Variants in GRM5 observed in about 807,000 individuals in gnomAD.
GRM5 encodes metabotropic glutamate receptor 5.
GRM5 carries 19 observed loss-of-function variants against 83.1 expected under a neutral mutation model. The ratio of observed to expected loss-of-function variants is 0.23; its 90% confidence interval spans 0.16 to 0.34. The LOEUF (loss-of-function observed/expected upper bound fraction) is 0.34, where lower values mean the gene tolerates loss of function less well. GRM5 is among the 10% of genes least tolerant of loss of function. The probability of loss-of-function intolerance (pLI) is 1.00; values close to 1 mark genes in which losing one functional copy is unlikely to be tolerated. For missense variants in GRM5, 1,160 were observed against 1,588.3 expected (o/e 0.73, Z 4.58); for synonymous variants, 675 against 633.6 (o/e 1.07, Z -0.98).
intron 8 of GRM5, among the ~76,000 whole-genome samples, chr11:88,541,501 TATAG>T: frequency 6.6e-6 from 1 of 152,278 alleles, no homozygotes; most frequent in East Asian, 1.9e-4. Context: ...TAAACATACA[TATAG>T]ATAGATATAC....
intron 2 of GRM5, among the ~76,000 whole-genome samples, chr11:88,932,926 T>G (rs1211106155): frequency 6.6e-6 from 1 of 151,942 alleles, no homozygotes; most frequent in Non-Finnish European, 1.5e-5. Context: ...TTATTTGAAA[T>G]TAGTTATCTT....
At chr11:88,896,705 A>T (rs1160991878) in intron 2 of GRM5, among the ~76,000 whole-genome samples, 1 of 151,808 alleles carries the variant, frequency 6.6e-6, no homozygotes, top group Non-Finnish European at 1.5e-5. Context: ...GAGAGAGTGA[A>T]TCCTCCCTTC....
intron 2 of GRM5, among the ~76,000 whole-genome samples, chr11:88,928,464 G>GTGTGTA (rs772061967): frequency 8.6e-6 from 1 of 115,790 alleles, no homozygotes; most frequent in African/African-American, 3.8e-5. Flanking sequence ...GTGTGTGTGT[G>GTGTGTA]TATATATATA....
At chr11:88,615,518 C>A (rs1938452301) in intron 4 of GRM5, among the ~76,000 whole-genome samples, 1 of 152,022 alleles carries the variant, frequency 6.6e-6, no homozygotes, top group African/African-American at 2.4e-5. Context: ...ACATGGCTGA[C>A]CTTTCACCTT....
At chr11:88,676,731 A>G (rs1940338539) in intron 3 of GRM5, among the ~76,000 whole-genome samples, 1 of 152,074 alleles carries the variant, frequency 6.6e-6, no homozygotes, top group African/African-American at 2.4e-5. Context: ...TAGATGCTAT[A>G]TAATGAAAAT....
At chr11:88,704,528 A>G (rs1941109738) in intron 3 of GRM5, among the ~76,000 whole-genome samples, 1 of 152,058 alleles carries the variant, frequency 6.6e-6, no homozygotes, top group African/African-American at 2.4e-5. Context: ...TATAAGAGGA[A>G]CTGCACATTT....
intron 2 of GRM5, among the ~76,000 whole-genome samples, chr11:88,967,486 C>T (rs1023795303): frequency 4.0e-5 from 6 of 151,818 alleles, no homozygotes; most frequent in Admixed American, 6.6e-5. Flanking sequence ...GTCGTTCTTG[C>T]CATGTAATCC....
At chr11:88,556,567 T>C (rs1313104738) in intron 8 of GRM5, among the ~76,000 whole-genome samples, 1 of 152,050 alleles carries the variant, frequency 6.6e-6, no homozygotes, top group Admixed American at 6.6e-5. Context: ...ATGATCCGCC[T>C]GCCTTAGCCT....
At chr11:88,542,402 AAAG>A (rs1942287363) in intron 8 of GRM5, among the ~76,000 whole-genome samples, 3 of 152,204 alleles carry the variant, frequency 2.0e-5, no homozygotes, top group Non-Finnish European at 2.9e-5. Context: ...GGCAAAGAAT[AAAG>A]AAGAGAAAGA....
intron 3 of GRM5, among the ~76,000 whole-genome samples, chr11:88,733,033 C>G (rs1368237950): frequency 6.6e-6 from 1 of 152,022 alleles, no homozygotes; most frequent in East Asian, 1.9e-4. Flanking sequence ...AAATGAATTT[C>G]ATAGACATGA....
chr11:88,845,642 C>G (rs1233252043), intron 3 of GRM5, among the ~76,000 whole-genome samples: 1 of 151,752 alleles, frequency 6.6e-6, no homozygotes, highest in African/African-American at 2.4e-5. Context: ...ACCGTGTTAG[C>G]CAGGATGGTC....
intron 2 of GRM5, among the ~76,000 whole-genome samples, chr11:88,919,237 G>GATATATATATATATATATATATATAT (rs1310347767): frequency 1.3e-4 from 1 of 7,408 alleles, no homozygotes; most frequent in African/African-American, 2.4e-4. Context: ...AGCAGGAGTA[G>GATATATATATATATATATATATATAT]CTATATATAT....
chr11:89,054,342 A>T (rs1941826174), intron 1 of GRM5, among the ~76,000 whole-genome samples: 2 of 152,182 alleles, frequency 1.3e-5, no homozygotes, highest in South Asian at 2.1e-4. Flanking sequence ...CACAAAAAGG[A>T]TAGAGTCGCA....
intron 8 of GRM5, among the ~76,000 whole-genome samples, chr11:88,555,120 C>T (rs927646824): frequency 4.1e-4 from 63 of 152,118 alleles, no homozygotes; most frequent in African/African-American, 1.4e-3. Context: ...ATCACTTAAC[C>T]TCCCTCAGCT....
chr11:88,570,046 G>C (rs1942954585), intron 7 of GRM5, among the ~76,000 whole-genome samples: 1 of 151,986 alleles, frequency 6.6e-6, no homozygotes, highest in African/African-American at 2.4e-5. Context: ...AAAGGAAAGA[G>C]AAGGGGAAGG....
chr11:88,720,817 T>C lies in GRM5; in HGVS notation c.912-67414A>G, dbSNP rs926729826. On this transcript the variant is annotated intron_variant, in intron 3 of 9. Coordinates refer to ENST00000305447, the MANE Select transcript of GRM5 (RefSeq NM_001143831.3). Reference sequence around the variant, plus strand: ...TACTCTGTGTGTGTGTGTGTGTGTGTGTGCGTGTGTGTGTGTGTGTGTGTG... The same window carrying C: ...TACTCTGTGTGTGTGTGTGTGTGTGCGTGCGTGTGTGTGTGTGTGTGTGTG... 5.6e-4 allele frequency among the ~76,000 whole-genome samples: 73 copies of C among 130,890 alleles called. 1 individual carries two copies. Among genetic ancestry groups the C allele is most frequent in the African/African-American group, 2.2e-3 (70 of 32,032 alleles). 85.9% of individuals were successfully genotyped at this position (130,890 alleles called of 152,430 possible).
At chr11:88,698,466 A>C (rs527803919) in intron 3 of GRM5, among the ~76,000 whole-genome samples, 3 of 152,278 alleles carry the variant, frequency 2.0e-5, no homozygotes, top group South Asian at 2.1e-4. Context: ...CATGACTTCC[A>C]CTATTATACA....
Position 88,860,992 on chromosome 11 carries a change from C to G in GRM5, c.662-10837G>C, listed in dbSNP as rs536656860. Among the ~76,000 whole-genome samples, 4 of 151,972 alleles carry G rather than the reference C, an allele frequency of 2.6e-5. No individual in the cohort carries two copies. In the East Asian group the frequency reaches 5.8e-4, roughly 22 times the overall value. On this transcript the variant is annotated intron_variant, in intron 2 of 9. Coordinates refer to ENST00000305447, the MANE Select transcript of GRM5 (RefSeq NM_001143831.3). ...ATACAAAAGAAAGAATGCAAAATAT[C>G]CCATTAATATGTGGATTACATGTTA...
intron 3 of GRM5, among the ~76,000 whole-genome samples, chr11:88,773,768 A>G (rs148672979): frequency 5.9e-5 from 9 of 152,072 alleles, no homozygotes; most frequent in South Asian, 2.1e-4. Context: ...TTGTAGATGT[A>G]TGGTATTATT....
Sources: gnomAD v4.1 joint callset for allele counts (sites outside exome capture counted in the v4.1 genomes callset) on GRCh38, gnomAD v4.1.1 for gene constraint, MANE v1.5 for transcripts, NCBI Gene and HGNC (gene_info 2026-07-23, HGNC 2026-07-21) for gene names.